BICD2: variants seen among roughly 807,000 people sequenced by gnomAD.
The protein encoded by BICD2 is BICD cargo adaptor 2, also known as protein bicaudal D homolog 2.
In BICD2, 25 loss-of-function variants were observed where a neutral mutation model predicts 72.9. The ratio of observed to expected loss-of-function variants is 0.34; its 90% CI spans 0.25 to 0.48. The LOEUF is 0.48. Among genes scored for constraint, BICD2 ranks in the 20% least tolerant of loss-of-function variants. The pLI is 0.99. For missense variants in BICD2, 894 were observed against 1,175.2 expected, an observed-to-expected ratio of 0.76 and a Z score of 3.50; for synonymous variants, 501 against 516.1, an observed-to-expected ratio of 0.97 and a Z score of 0.40.
At chr9:92,749,435 G>A (rs1854100478) in intron 1 of BICD2, among the ~76,000 whole-genome samples, 1 of 152,176 alleles carries the variant, frequency 6.6e-6, no homozygotes, top group Non-Finnish European at 1.5e-5. Context: ...AGGGCTGAGA[G>A]GCACCCACAC....
rs748802657 is a variant in BICD2, at chr9:92,718,670, G to C, written c.1975C>G (p.Gln659Glu). The C allele has an allele frequency of 1.9e-6, 3 of 1,614,102 alleles. No homozygotes were observed. The highest frequency in any genetic ancestry group is 2.5e-6 in the Non-Finnish European group (3 of 1,180,022). ...TELSRQRIAS[Q>E]ELGPAVDKDK... ...TTGTCCACGGCGGGGCCCAGCTCCT[G>C]AGAGGCAATGCGCTGGCGTGACAGC... is the stretch of plus-strand genomic sequence containing the variant. The change falls in exon 5 of 7, where the codon CAG becomes GAG. Residue 659 changes from glutamine (Q) to glutamate (E), a missense_variant. By Grantham distance (29) the Gln-to-Glu change is conservative. Around this residue, in one of 5 missense-constraint regions of BICD2, gnomAD observed 321 missense variants for 443.9 expected, o/e 0.72. Coordinates refer to ENST00000356884, the MANE Select transcript of BICD2 (RefSeq NM_001003800.2).
At position 92,718,803 on chromosome 9, in the gene BICD2, T is replaced by C. The variant is rs200912578; in HGVS notation, c.1842A>G (p.Pro614=). 4.8e-5 allele frequency: 77 copies of C among 1,613,522 alleles called. No individual in the cohort carries two copies. The African/African-American group carries it at 8.7e-4, about 18-fold the overall frequency. ...CCCGGCGTGGGTCACTCAGGGGTGA[T>C]GGCAGTGAGGAGCCAGGCGAGGGGC... is the stretch of plus-strand genomic sequence containing the variant. ...DSSPSPGSSL[P]SPLSDPRREP... The change falls in exon 5 of 7, where the codon CCA becomes CCG. Residue 614 remains proline, a synonymous_variant. Transcript: ENST00000356884.
intron 1 of BICD2, among the ~76,000 whole-genome samples, chr9:92,760,849 A>C (rs2131539850): frequency 6.6e-6 from 1 of 152,316 alleles, no homozygotes; most frequent in South Asian, 2.1e-4. Flanking sequence ...AGAAATGGAC[A>C]CAACAATGTT....
At chr9:92,728,347 C>T (rs531707520) in intron 2 of BICD2, among the ~76,000 whole-genome samples, 7 of 152,326 alleles carry the variant, frequency 4.6e-5, no homozygotes, top group African/African-American at 1.7e-4. Flanking sequence ...CGGACTTGGA[C>T]GGATTCATGG....
intron 1 of BICD2, among the ~76,000 whole-genome samples, chr9:92,739,429 A>T (rs1853853969): frequency 6.6e-6 from 1 of 152,188 alleles, no homozygotes; most frequent in South Asian, 2.1e-4. Context: ...AACTCACTTG[A>T]TTACGGATTG....
intron 1 of BICD2, among the ~76,000 whole-genome samples, chr9:92,748,807 CAT>C (rs760168166): frequency 2.6e-4 from 39 of 152,270 alleles, no homozygotes; most frequent in Non-Finnish European, 5.0e-4. Flanking sequence ...GGGTGTGAAT[CAT>C]GTGTCTTCAC....
In BICD2 at chr9:92,717,838, G is replaced by A. The variant is rs142140690; in HGVS notation, c.2217C>T (p.Asp739=). 4.8e-5 allele frequency: 77 copies of A among 1,612,462 alleles called. No homozygotes were observed. The highest frequency in any genetic ancestry group is 1.7e-4 in the African/African-American group (13 of 74,970). ...LRNELKALKE[D]AATFSSLRAM... is the part of the protein sequence containing the mutation. ...CACGCAGCGAGGAGAAGGTGGCTGC[G>A]TCCTCCTTGAGGGCCTTGAGCTCAT... The change falls in exon 6 of 7, where the codon GAC becomes GAT. Residue 739 remains aspartate, a synonymous_variant. Coordinates refer to ENST00000356884, the MANE Select transcript of BICD2 (RefSeq NM_001003800.2).
At chr9:92,719,631 G>A (rs748156321) in intron 4 of BICD2, 49 bp from the exon 5 acceptor site, 17 of 1,498,620 alleles carry the variant, frequency 1.1e-5, no homozygotes, top group Non-Finnish European at 1.4e-5. Flanking sequence ...TATGGACCCC[G>A]AGAGCTTGGA....
At chr9:92,732,315 A>G (rs1853693973) in intron 1 of BICD2, among the ~76,000 whole-genome samples, 1 of 152,256 alleles carries the variant, frequency 6.6e-6, no homozygotes, top group East Asian at 1.9e-4. Context: ...AGCATTGGTG[A>G]AGTATGAAGT....
chr9:92,713,656 T>C lies in BICD2; in HGVS notation c.*1498A>G. 1 of 1,447,486 alleles carries C rather than the reference T, an allele frequency of 6.9e-7. No homozygotes were observed. The highest frequency in any genetic ancestry group is 2.6e-5 in the East Asian group (1 of 39,006). 89.7% of individuals were successfully genotyped at this position (1,447,486 alleles called of 1,614,324 possible). ...CTTAGGAGTATGGAGAGAAGCTATGTGCCAGGCTTGCAAGGAGAGGGCAAA... is the reference window on the plus strand; with the variant it reads ...CTTAGGAGTATGGAGAGAAGCTATGCGCCAGGCTTGCAAGGAGAGGGCAAA... On this transcript the variant is annotated 3_prime_UTR_variant, in exon 7 of 7. Coordinates refer to ENST00000356884, the MANE Select transcript of BICD2 (RefSeq NM_001003800.2).
chr9:92,731,220 C>T (rs1853673450), intron 1 of BICD2, among the ~76,000 whole-genome samples: 1 of 152,236 alleles, frequency 6.6e-6, no homozygotes, highest in African/African-American at 2.4e-5. Flanking sequence ...GCTCAGAACA[C>T]ACCCACGAGC....
At chr9:92,737,517 G>A (rs1005252530) in intron 1 of BICD2, among the ~76,000 whole-genome samples, 1 of 152,194 alleles carries the variant, frequency 6.6e-6, no homozygotes, top group Non-Finnish European at 1.5e-5. Flanking sequence ...GGGAGACTGG[G>A]TGGCTTTAGA....
rs1854438132 is a variant in BICD2, at chr9:92,764,427, G to C, written c.240+78C>G. ...GGCCCCCGCTTGGCAAGCTGACCTT[G>C]GCCGCCCTGGTGCCAGGGACGACGC... On this transcript the variant is annotated intron_variant, in intron 1 of 6. Transcript: ENST00000356884. This position sits in a 1 kb window ranked among gnomAD's most constrained non-coding sequence, Gnocchi z 5.5. 1 of 1,390,260 alleles carries C rather than the reference G, an allele frequency of 7.2e-7. No homozygotes were observed. Among genetic ancestry groups the C allele is most frequent in the African/African-American group, 1.5e-5 (1 of 65,986 alleles). 86.1% of individuals were successfully genotyped at this position (1,390,260 alleles called of 1,614,324 possible).
At chr9:92,725,460 C>T (rs530403298) in intron 2 of BICD2, among the ~76,000 whole-genome samples, 7 of 152,394 alleles carry the variant, frequency 4.6e-5, no homozygotes, top group African/African-American at 7.2e-5. Flanking sequence ...ATCCAGCACA[C>T]GGCCAATTGC....
chr9:92,742,086 T>C (rs1250933379), intron 1 of BICD2, among the ~76,000 whole-genome samples: 1 of 152,106 alleles, frequency 6.6e-6, no homozygotes, highest in East Asian at 1.9e-4. Flanking sequence ...AAAGACAGAA[T>C]GTAAGTTGGA....
Position 92,714,851 on chromosome 9 carries a change from A to G in BICD2, c.*303T>C, listed in dbSNP as rs1853269286. The G allele has an allele frequency of 2.6e-6, 3 of 1,138,004 alleles. No individual in the cohort carries two copies. The highest frequency in any genetic ancestry group is 1.0e-4 in the East Asian group (2 of 19,954). The allele number at this position is 1,138,004 out of a possible 1,614,324, so 70.5% of individuals were successfully genotyped here. A position where few individuals can be genotyped will look rare whatever the true frequency, so the allele number is the denominator to read the frequency against. ...CCCTTGGGTTTCCCCACGGGTGCGC[A>G]GGGCTTAGAAGATGCTTTCATCACA... is the stretch of plus-strand genomic sequence containing the variant. On this transcript the variant is annotated 3_prime_UTR_variant, in exon 7 of 7. Coordinates refer to ENST00000356884, the MANE Select transcript of BICD2 (RefSeq NM_001003800.2).
In BICD2 at chr9:92,714,928, G is replaced by C; in HGVS notation, c.*226C>G. 1 of 1,360,642 alleles carries C rather than the reference G, an allele frequency of 7.3e-7. No homozygotes were observed. Among genetic ancestry groups the C allele is most frequent in the African/African-American group, 1.5e-5 (1 of 67,722 alleles). The allele number at this position is 1,360,642 out of a possible 1,614,324, so 84.3% of individuals were successfully genotyped here. On this transcript the variant is annotated 3_prime_UTR_variant, in exon 7 of 7. Transcript: ENST00000356884. ...ATCCCCACCTCTGACCCCCACCTAA[G>C]AGAGCAGCTGAGGACTGGGTGCTCC...
chr9:92,756,639 G>A (rs1854263618), intron 1 of BICD2, among the ~76,000 whole-genome samples: 2 of 150,950 alleles, frequency 1.3e-5, no homozygotes, highest in East Asian at 2.0e-4. Flanking sequence ...TTGGGAGGCC[G>A]AGGCAGGCAG....
At chr9:92,739,320 G>A (rs1261545507) in intron 1 of BICD2, among the ~76,000 whole-genome samples, 1 of 152,164 alleles carries the variant, frequency 6.6e-6, no homozygotes. Context: ...CAGGACAACA[G>A]ACTATCAGGC....
Sources: allele counts gnomAD v4.1 joint callset (sites outside exome capture counted in the v4.1 genomes callset), GRCh38; gene constraint gnomAD v4.1.1; regional missense constraint gnomAD v4.1.1; non-coding constraint Gnocchi (gnomAD v3.1); transcripts MANE v1.5; gene names NCBI Gene and HGNC (gene_info 2026-07-23, HGNC 2026-07-21).